Variants in NAALADL2 observed in about 807,000 individuals in gnomAD.
The protein encoded by NAALADL2 is inactive N-acetylated-alpha-linked acidic dipeptidase-like protein 2.
NAALADL2 carries 76 observed loss-of-function variants against 87.2 expected under a neutral mutation model. The observed-to-expected ratio is 0.87, with a 90% CI of 0.72 to 1.05. The LOEUF (loss-of-function observed/expected upper bound fraction) is 1.05. Among genes scored for constraint, NAALADL2 ranks in the 50% least tolerant of loss-of-function variants. The pLI is 0.00. For synonymous variants in NAALADL2, 354 were observed against 331.0 expected (o/e 1.07, Z -0.75); for missense variants, 1,089 against 945.8 (o/e 1.15, Z -1.99).
intron 9 of NAALADL2, among the ~76,000 whole-genome samples, chr3:175,490,462 C>T (rs553096839): frequency 6.6e-6 from 1 of 152,164 alleles, no homozygotes; most frequent in South Asian, 2.1e-4. Flanking sequence ...TCTCAGCTCA[C>T]TGCAAGCTCT....
chr3:175,249,936 G>A (rs967242416), intron 3 of NAALADL2, among the ~76,000 whole-genome samples: 7 of 152,080 alleles, frequency 4.6e-5, no homozygotes, highest in Non-Finnish European at 8.8e-5. Flanking sequence ...TTGGGAGGCC[G>A]AGGCAGACGG....
intron 1 of NAALADL2, among the ~76,000 whole-genome samples, chr3:174,990,824 G>C (rs1378815783): frequency 2.0e-5 from 3 of 151,984 alleles, no homozygotes; most frequent in Non-Finnish European, 4.4e-5. Flanking sequence ...GATTGGTCTG[G>C]GGTACATGGG....
intron 13 of NAALADL2, among the ~76,000 whole-genome samples, chr3:175,758,050 A>G (rs1747492610): frequency 6.6e-6 from 1 of 152,058 alleles, no homozygotes; most frequent in Non-Finnish European, 1.5e-5. Context: ...TAAATTATGC[A>G]TCTGGTAAAC....
At chr3:175,522,188 C>A (rs1367762257) in intron 9 of NAALADL2, among the ~76,000 whole-genome samples, 2 of 152,068 alleles carry the variant, frequency 1.3e-5, no homozygotes, top group East Asian at 3.9e-4. Flanking sequence ...CTCTTCTAAG[C>A]ACATTATTTA....
intron 2 of NAALADL2, among the ~76,000 whole-genome samples, chr3:175,176,888 C>G (rs1735776152): frequency 1.3e-5 from 2 of 151,998 alleles, no homozygotes; most frequent in African/African-American, 2.4e-5. Flanking sequence ...TTCTGACCTC[C>G]AGACTGTATG....
chr3:175,689,236 A>C (rs2149909049), intron 11 of NAALADL2, among the ~76,000 whole-genome samples: 1 of 152,308 alleles, frequency 6.6e-6, no homozygotes, highest in South Asian at 2.1e-4. Flanking sequence ...CATTGTAGAA[A>C]ACTTAAAATC....
At chr3:175,132,823 G>A (rs1340424886) in intron 2 of NAALADL2, among the ~76,000 whole-genome samples, 4 of 151,826 alleles carry the variant, frequency 2.6e-5, no homozygotes. Context: ...TGGCTGCCGG[G>A]CGGAGATGCT....
chr3:174,709,681 A>T (rs977529658), intron 2 of NAALADL2, among the ~76,000 whole-genome samples: 4 of 152,194 alleles, frequency 2.6e-5, no homozygotes, highest in African/African-American at 7.2e-5. Context: ...TAAGATAAAA[A>T]TCTTGATATA....
chr3:175,591,528 A>G (rs1452479336), intron 10 of NAALADL2, among the ~76,000 whole-genome samples: 1 of 152,022 alleles, frequency 6.6e-6, no homozygotes, highest in African/African-American at 2.4e-5. Context: ...ACACTATGCT[A>G]TGCATTAAGA....
At chr3:175,080,500 A>C (rs1345910659) in intron 1 of NAALADL2, among the ~76,000 whole-genome samples, 3 of 152,244 alleles carry the variant, frequency 2.0e-5, no homozygotes, top group Non-Finnish European at 4.4e-5. Context: ...CTACTCTCCC[A>C]GAGTTAGCAA....
At chr3:174,903,482 A>T (rs995356688) in intron 1 of NAALADL2, among the ~76,000 whole-genome samples, 14 of 152,202 alleles carry the variant, frequency 9.2e-5, no homozygotes, top group African/African-American at 3.4e-4. Context: ...GGTGTTTGTC[A>T]ATCCCACCTT....
At chr3:174,854,716 A>G (rs2109496081), upstream of NAALADL2, among the ~76,000 whole-genome samples, 1 of 152,214 alleles carries the variant, frequency 6.6e-6, no homozygotes, top group African/African-American at 2.4e-5. Flanking sequence ...AAAATGACAA[A>G]AAACTTTAAA....
At chr3:175,620,879 A>G (rs1726124167) in intron 10 of NAALADL2, among the ~76,000 whole-genome samples, 1 of 152,172 alleles carries the variant, frequency 6.6e-6, no homozygotes, top group Non-Finnish European at 1.5e-5. Flanking sequence ...GAAAGAAGGA[A>G]AGTTTTCAGC....
At chr3:175,724,284 T>A (rs112174245) in intron 11 of NAALADL2, among the ~76,000 whole-genome samples, 49 of 152,290 alleles carry the variant, frequency 3.2e-4, no homozygotes, top group African/African-American at 9.6e-4. Context: ...ACTATTAATA[T>A]AAGAGTCCTG....
chr3:174,970,523 A>G (rs1743482857), intron 1 of NAALADL2, among the ~76,000 whole-genome samples: 1 of 152,160 alleles, frequency 6.6e-6, no homozygotes, highest in Non-Finnish European at 1.5e-5. Flanking sequence ...CATTAGTGTA[A>G]TTTTCAATCA....
chr3:175,327,674 G>A (rs1056193868), intron 5 of NAALADL2, among the ~76,000 whole-genome samples: 1 of 152,080 alleles, frequency 6.6e-6, no homozygotes, highest in Non-Finnish European at 1.5e-5. Flanking sequence ...AAAGAAAAGA[G>A]ATTTAGCCTT....
intron 11 of NAALADL2, among the ~76,000 whole-genome samples, chr3:175,727,032 A>T (rs1743028512): frequency 6.6e-6 from 1 of 152,064 alleles, no homozygotes; most frequent in South Asian, 2.1e-4. Context: ...TTCATAATCA[A>T]ATTAAATTTC....
intron 1 of NAALADL2, among the ~76,000 whole-genome samples, chr3:174,872,612 A>C (rs1727974307): frequency 1.3e-5 from 2 of 152,154 alleles, no homozygotes; most frequent in Admixed American, 1.3e-4. Context: ...AGTGTTAGTA[A>C]CTGCTGAAGC....
intron 2 of NAALADL2, among the ~76,000 whole-genome samples, chr3:174,560,143 AAC>A (rs2108509930): frequency 6.6e-6 from 1 of 152,344 alleles, no homozygotes; most frequent in East Asian, 1.9e-4. Flanking sequence ...TCTAGCCTTC[AAC>A]AGTGATACAT....
Sources: gnomAD v4.1 joint callset for allele counts (sites outside exome capture counted in the v4.1 genomes callset) on GRCh38, gnomAD v4.1.1 for gene constraint, MANE v1.5 for transcripts, NCBI Gene and HGNC (gene_info 2026-07-23, HGNC 2026-07-21) for gene names.